Variants in NCKAP5 observed in about 807,000 individuals in gnomAD.
NCKAP5 encodes nck-associated protein 5.
Under a neutral mutation model 167.0 loss-of-function variants are expected in NCKAP5, and 92 were observed. That is an observed-to-expected ratio of 0.55 (90% CI 0.47 to 0.66). NCKAP5 has a LOEUF of 0.66. Ranked by LOEUF, NCKAP5 falls within the 30% of genes least tolerant of loss-of-function variation. NCKAP5 has a pLI of 0.00. For missense variants in NCKAP5, 2,378 were observed against 2,315.0 expected, an observed-to-expected ratio of 1.03 and a Z score of -0.56; for synonymous variants, 891 against 877.4, an observed-to-expected ratio of 1.02 and a Z score of -0.27.
At chr2:133,327,323 T>C (rs780190632) in intron 3 of NCKAP5, among the ~76,000 whole-genome samples, 6 of 152,204 alleles carry the variant, frequency 3.9e-5, no homozygotes, top group Non-Finnish European at 8.8e-5. Flanking sequence ...CCAAATGCTG[T>C]GTCTTCAGCA....
chr2:133,294,211 C>T (rs1679798706), intron 4 of NCKAP5, among the ~76,000 whole-genome samples: 1 of 152,150 alleles, frequency 6.6e-6, no homozygotes, highest in Non-Finnish European at 1.5e-5. Context: ...AGAATTCATG[C>T]AGAGCAATTT....
chr2:132,848,005 C>T (rs542784563), intron 11 of NCKAP5, among the ~76,000 whole-genome samples: 2 of 152,264 alleles, frequency 1.3e-5, no homozygotes, highest in South Asian at 2.1e-4. Context: ...AATGGTTCCT[C>T]TTAACCAGGG....
intron 3 of NCKAP5, among the ~76,000 whole-genome samples, chr2:133,371,035 G>A (rs1685774768): frequency 6.6e-6 from 1 of 152,144 alleles, no homozygotes. Context: ...CACCTGCCTG[G>A]TAAAACATAA....
At chr2:132,901,032 AC>A (rs1333097497) in intron 8 of NCKAP5, among the ~76,000 whole-genome samples, 1 of 151,844 alleles carries the variant, frequency 6.6e-6, no homozygotes, top group Non-Finnish European at 1.5e-5. Flanking sequence ...ACTTCACTCA[AC>A]CCAGAGTCTA....
chr2:132,888,822 T>C (rs1483649545), intron 8 of NCKAP5, among the ~76,000 whole-genome samples: 1 of 152,250 alleles, frequency 6.6e-6, no homozygotes, highest in Non-Finnish European at 1.5e-5. Flanking sequence ...CCCTCACTTA[T>C]AAATGTTAAC....
At chr2:132,741,793 C>T (rs953799658) in intron 16 of NCKAP5, among the ~76,000 whole-genome samples, 2 of 152,130 alleles carry the variant, frequency 1.3e-5, no homozygotes, top group African/African-American at 4.8e-5. Flanking sequence ...TATCTATCCA[C>T]CTTTTCGCAC....
intron 4 of NCKAP5, among the ~76,000 whole-genome samples, chr2:133,217,769 A>G (rs2086493780): frequency 6.6e-6 from 1 of 152,214 alleles, no homozygotes; most frequent in East Asian, 1.9e-4. Flanking sequence ...CTTGCCTGGC[A>G]TAACAGAATT....
At chr2:133,357,288 GACACACACACACAC>G (rs10635907) in intron 3 of NCKAP5, among the ~76,000 whole-genome samples, 5 of 140,190 alleles carry the variant, frequency 3.6e-5, no homozygotes, top group Admixed American at 7.2e-5. Flanking sequence ...CACATACACA[GACACACACACACAC>G]ACACACACAC....
the NCKAP5 span, among the ~76,000 whole-genome samples, chr2:133,626,570 G>T: frequency 6.6e-6 from 1 of 151,930 alleles, no homozygotes; most frequent in Non-Finnish European, 1.5e-5. Context: ...AAAGTATAAA[G>T]ATATTATGAC....
rs142732081 is a variant in NCKAP5 at position 133,346,699 on chromosome 2, G to A, written c.70-43589C>T. On this transcript the variant is annotated intron_variant, in intron 3 of 19. Coordinates refer to ENST00000409261, the MANE Select transcript of NCKAP5 (RefSeq NM_207363.3). ...CATCGGACTGGGCCATGGCCCTCAC[G>A]AAATACAAGGATGAGAACTTGTGAA... is the stretch of plus-strand genomic sequence containing the variant. Among the ~76,000 whole-genome samples the A allele has an allele frequency of 5.9e-5, 9 of 152,288 alleles. No individual in the cohort carries two copies. In the East Asian group the frequency reaches 7.7e-4, roughly 13 times the overall value.
intron 11 of NCKAP5, among the ~76,000 whole-genome samples, chr2:132,805,214 G>A (rs1231198797): frequency 1.3e-5 from 2 of 151,994 alleles, no homozygotes; most frequent in Non-Finnish European, 2.9e-5. Flanking sequence ...ACAACCTACA[G>A]TAAGAACTAT....
At chr2:132,963,331 C>T (rs752636607) in intron 8 of NCKAP5, among the ~76,000 whole-genome samples, 38 of 152,030 alleles carry the variant, frequency 2.5e-4, no homozygotes, top group Non-Finnish European at 8.8e-5. Context: ...GTGTGTGTGT[C>T]CAATCATCTT....
chr2:132,953,364 C>G (rs946747959), intron 8 of NCKAP5, among the ~76,000 whole-genome samples: 1 of 152,208 alleles, frequency 6.6e-6, no homozygotes, highest in African/African-American at 2.4e-5. Flanking sequence ...TATCTCTTTG[C>G]TTCCTCCAAA....
the NCKAP5 span, among the ~76,000 whole-genome samples, chr2:133,670,107 G>T: frequency 6.6e-6 from 1 of 152,160 alleles, no homozygotes. Context: ...ATCAAATATG[G>T]CTCTACCCCT....
intron 11 of NCKAP5, among the ~76,000 whole-genome samples, chr2:132,810,089 T>C (rs1474700472): frequency 6.6e-6 from 1 of 152,226 alleles, no homozygotes; most frequent in Non-Finnish European, 1.5e-5. Flanking sequence ...AATTGTTTTG[T>C]TTGAAGAGGC....
intron 5 of NCKAP5, among the ~76,000 whole-genome samples, chr2:133,192,366 CT>C (rs756438394): frequency 1.3e-5 from 2 of 152,084 alleles, no homozygotes; most frequent in Non-Finnish European, 2.9e-5. Context: ...AGTTCTTAGA[CT>C]TGCTACCAGT....
At chr2:133,013,401 C>T (rs2078226446) in intron 6 of NCKAP5, among the ~76,000 whole-genome samples, 1 of 152,230 alleles carries the variant, frequency 6.6e-6, no homozygotes, top group South Asian at 2.1e-4. Flanking sequence ...TACAGTTCCA[C>T]ATGGCTGGGG....
intron 8 of NCKAP5, among the ~76,000 whole-genome samples, chr2:132,899,221 C>T (rs183737339): frequency 3.9e-5 from 6 of 152,340 alleles, no homozygotes; most frequent in African/African-American, 1.4e-4. Context: ...TTCCCTAAAC[C>T]TCATGAACTA....
intron 13 of NCKAP5, among the ~76,000 whole-genome samples, chr2:132,788,488 T>A (rs960468061): frequency 6.6e-6 from 1 of 152,226 alleles, no homozygotes; most frequent in Non-Finnish European, 1.5e-5. Context: ...TGCCATGTAC[T>A]GCCTGTGGCA....
Sources: gnomAD v4.1 joint callset for allele counts (sites outside exome capture counted in the v4.1 genomes callset) on GRCh38, gnomAD v4.1.1 for gene constraint, MANE v1.5 for transcripts, NCBI Gene and HGNC (gene_info 2026-07-23, HGNC 2026-07-21) for gene names.